TG: variants seen among roughly 807,000 people sequenced by gnomAD.
TG encodes the protein thyroid hormones.
A neutral mutation model predicts 324.7 loss-of-function variants in TG; 270 were observed. The ratio of observed to expected loss-of-function variants is 0.83; its 90% CI spans 0.75 to 0.92. TG has a LOEUF of 0.92. Among genes scored for constraint, TG ranks in the 40% least tolerant of loss-of-function variants. The pLI, the probability that TG is intolerant of heterozygous loss-of-function variation, is 0.00. For missense variants in TG, 3,591 were observed against 3,456.4 expected, an observed-to-expected ratio of 1.04 and a Z score of -0.98; for synonymous variants, 1,401 against 1,327.0, an observed-to-expected ratio of 1.06 and a Z score of -1.21.
At chr8:133,059,972 C>A in intron 41 of TG, 1 of 908,138 alleles carries the variant, frequency 1.1e-6, no homozygotes, top group Non-Finnish European at 1.6e-6. Flanking sequence ...ACTAGAGAGA[C>A]AGATATAATG....
intron 35 of TG, among the ~76,000 whole-genome samples, chr8:133,004,232 G>A (rs925457119): frequency 3.7e-4 from 56 of 152,290 alleles, no homozygotes; most frequent in African/African-American, 1.1e-3. Flanking sequence ...CACTGAAAGA[G>A]TCACCAAGAC....
At chr8:132,987,927 C>T (rs1831780130) in intron 35 of TG, among the ~76,000 whole-genome samples, 1 of 152,136 alleles carries the variant, frequency 6.6e-6, no homozygotes, top group African/African-American at 2.4e-5. Flanking sequence ...CAGCCCTTAT[C>T]ACATAGTATG....
intron 41 of TG, among the ~76,000 whole-genome samples, chr8:133,060,848 G>A (rs1227707639): frequency 6.6e-6 from 1 of 152,220 alleles, no homozygotes; most frequent in Non-Finnish European, 1.5e-5. Flanking sequence ...GAAGGGGTAA[G>A]TGACTTGTAT....
intron 41 of TG, chr8:133,049,835 G>T (rs538701509): frequency 1.6e-5 from 17 of 1,047,116 alleles, no homozygotes; most frequent in East Asian, 2.4e-5. Flanking sequence ...TGGAATCTTT[G>T]TTCCACCTTA....
At chr8:133,118,667 AG>A (rs1457962004) in intron 45 of TG, among the ~76,000 whole-genome samples, 1 of 152,096 alleles carries the variant, frequency 6.6e-6, no homozygotes, top group Non-Finnish European at 1.5e-5. Context: ...AAAAGTTCAG[AG>A]CCCAATTTTG....
intron 41 of TG, among the ~76,000 whole-genome samples, chr8:133,030,694 A>C (rs1207309538): frequency 6.6e-6 from 1 of 152,240 alleles, no homozygotes; most frequent in Non-Finnish European, 1.5e-5. Context: ...CTTAAAGCAG[A>C]TATTTATAAG....
intron 43 of TG, among the ~76,000 whole-genome samples, chr8:133,111,698 T>C (rs1850260671): frequency 6.7e-6 from 1 of 148,422 alleles, no homozygotes; most frequent in Admixed American, 6.7e-5. Flanking sequence ...TGTATGTCCA[T>C]GTGTGTTCTG....
intron 27 of TG, among the ~76,000 whole-genome samples, chr8:132,951,605 T>C (rs991040538): frequency 6.6e-6 from 1 of 152,168 alleles, no homozygotes; most frequent in African/African-American, 2.4e-5. Flanking sequence ...GTTTGTTTTT[T>C]TCAGTGCCCT....
At chr8:132,906,619 CA>C in intron 16 of TG, 68 bp from the exon 17 acceptor site, 1 of 1,573,404 alleles carries the variant, frequency 6.4e-7, no homozygotes, top group Non-Finnish European at 8.7e-7. Flanking sequence ...GAGACACCCA[CA>C]AGCAGGCATG....
At chr8:133,044,180 C>T (rs900566867) in intron 41 of TG, among the ~76,000 whole-genome samples, 1 of 152,166 alleles carries the variant, frequency 6.6e-6, no homozygotes, top group African/African-American at 2.4e-5. Flanking sequence ...GGAAATGTAG[C>T]ATTTAGCCAA....
At chr8:132,974,274 G>A (rs902979688) in intron 34 of TG, among the ~76,000 whole-genome samples, 8 of 152,112 alleles carry the variant, frequency 5.3e-5, no homozygotes, top group Admixed American at 1.3e-4. Context: ...GATTACAGGC[G>A]TGAGCCACCG....
intron 45 of TG, among the ~76,000 whole-genome samples, chr8:133,118,320 C>G (rs1410626808): frequency 2.2e-5 from 2 of 88,978 alleles, no homozygotes; most frequent in Non-Finnish European, 4.4e-5. Context: ...CAGATTCTTC[C>G]TTTTTTTTTT....
intron 3 of TG, 129 bp from the exon 4 acceptor site, chr8:132,871,219 T>C: frequency 1.1e-6 from 1 of 918,138 alleles, no homozygotes. Flanking sequence ...ACCCCATCAC[T>C]GCGTGTCCTT....
chr8:132,873,287 C>G (rs1212951649), intron 5 of TG, 66 bp downstream of exon 5: 2 of 1,581,712 alleles, frequency 1.3e-6, no homozygotes, highest in Non-Finnish European at 1.7e-6. Context: ...TCACCTTGAG[C>G]TGGGGGCCTC....
chr8:132,923,066 A>C (rs1821331718), intron 21 of TG, among the ~76,000 whole-genome samples: 1 of 152,158 alleles, frequency 6.6e-6, no homozygotes. Context: ...TGTTGGAGCA[A>C]ATGGTATCAG....
At chr8:132,893,043 G>A (rs544267373) in intron 10 of TG, among the ~76,000 whole-genome samples, 17 of 146,922 alleles carry the variant, frequency 1.2e-4, no homozygotes, top group African/African-American at 4.3e-4. Context: ...TATGGTATGT[G>A]ATGTGTCTTG....
In TG at chr8:133,121,743, A is replaced by G. The variant is rs950281372; in HGVS notation, c.7862+5027A>G. Reference sequence around the variant, plus strand: ...AGGTTGTGACGATCATTAATTTTGCATAAAACAGAGACAGGCAAATAGTGC... The same window carrying G: ...AGGTTGTGACGATCATTAATTTTGCGTAAAACAGAGACAGGCAAATAGTGC... On this transcript the variant is annotated intron_variant, in intron 45 of 47. Transcript: ENST00000220616. Among the ~76,000 whole-genome samples, 19 of 152,336 alleles carry G rather than the reference A, an allele frequency of 1.2e-4. 1 individual carries two copies. Among genetic ancestry groups the G allele is most frequent in the South Asian group, 1.0e-3 (5 of 4,826 alleles).
chr8:132,929,360 C>A (rs1587447077), intron 23 of TG, among the ~76,000 whole-genome samples, 168 bp downstream of exon 23: 1 of 152,192 alleles, frequency 6.6e-6, no homozygotes, highest in Non-Finnish European at 1.5e-5. Context: ...CAATTCATAA[C>A]TTAATTGCAG....
intron 24 of TG, among the ~76,000 whole-genome samples, chr8:132,934,909 G>A (rs1209876697): frequency 6.6e-6 from 1 of 152,120 alleles, no homozygotes; most frequent in Admixed American, 6.5e-5. Flanking sequence ...CCGAGCTTAA[G>A]AACCTTCTTC....
Sources: allele counts gnomAD v4.1 joint callset (sites outside exome capture counted in the v4.1 genomes callset), GRCh38; gene constraint gnomAD v4.1.1; transcripts MANE v1.5; gene names NCBI Gene and HGNC (gene_info 2026-07-23, HGNC 2026-07-21).